Variants in PTPRD observed in about 807,000 individuals in gnomAD.
The protein encoded by PTPRD is receptor-type tyrosine-protein phosphatase delta.
Under a neutral mutation model 214.5 loss-of-function variants are expected in PTPRD, and 34 were observed. The observed-to-expected ratio is 0.16, with a 90% confidence interval of 0.12 to 0.21. PTPRD has a LOEUF of 0.21. Among genes scored for constraint, PTPRD ranks in the 10% least tolerant of loss-of-function variants. The pLI, the probability that PTPRD is intolerant of heterozygous loss-of-function variation, is 1.00. For missense variants in PTPRD, 2,545 were observed against 2,398.7 expected, an observed-to-expected ratio of 1.06 and a Z score of -1.27; for synonymous variants, 1,128 against 845.7, an observed-to-expected ratio of 1.33 and a Z score of -5.79.
chr9:9,949,876 T>C (rs967406616), intron 4 of PTPRD, among the ~76,000 whole-genome samples: 7 of 152,104 alleles, frequency 4.6e-5, no homozygotes, highest in African/African-American at 1.7e-4. Context: ...CCGCATTGAG[T>C]TATTGAATCA....
chr9:9,394,372 T>C (rs1264495140), intron 9 of PTPRD, among the ~76,000 whole-genome samples: 1 of 152,146 alleles, frequency 6.6e-6, no homozygotes, highest in East Asian at 1.9e-4. Flanking sequence ...GCCTTAAAAA[T>C]TGCCTAGTAT....
intron 7 of PTPRD, among the ~76,000 whole-genome samples, chr9:9,656,793 T>A (rs1446054490): frequency 6.6e-6 from 1 of 152,058 alleles, no homozygotes; most frequent in East Asian, 1.9e-4. Flanking sequence ...TTGACATAGG[T>A]TCATCAATTG....
rs80292110 is a variant in PTPRD at position 9,593,596 on chromosome 9, A to G, written c.-286-18815T>C. Among the ~76,000 whole-genome samples, 1,339 of 152,084 alleles carry G rather than the reference A, an allele frequency of 8.8e-3. 7 individuals are homozygous for G. Among genetic ancestry groups the G allele is most frequent in the Non-Finnish European group, 0.014 (972 of 67,962 alleles). On this transcript the variant is annotated intron_variant, in intron 7 of 45. Transcript: ENST00000381196. The stretch of plus-strand genomic sequence containing the variant: ...AAAGTTGGAGAACAAATGTCAAGTG[A>G]AGGAATGTGGAGGCAGCCCCACAGA...
intron 7 of PTPRD, among the ~76,000 whole-genome samples, chr9:9,598,083 G>T (rs1239885709): frequency 2.0e-5 from 3 of 151,952 alleles, no homozygotes; most frequent in South Asian, 2.1e-4. Context: ...ACTGCACACA[G>T]TTAGTACATT....
At chr9:8,655,904 C>A (rs1280402990) in intron 12 of PTPRD, among the ~76,000 whole-genome samples, 2 of 152,090 alleles carry the variant, frequency 1.3e-5, no homozygotes, top group African/African-American at 4.8e-5. Context: ...AGGCCATGAC[C>A]TTGTTCGAGA....
chr9:8,936,688 G>A (rs1567116156), intron 11 of PTPRD, among the ~76,000 whole-genome samples: 2 of 152,162 alleles, frequency 1.3e-5, no homozygotes, highest in East Asian at 1.9e-4. Context: ...TAAAACATTC[G>A]TAATCATTTG....
intron 21 of PTPRD, among the ~76,000 whole-genome samples, chr9:8,510,101 T>C (rs2097647137): frequency 6.6e-6 from 1 of 152,012 alleles, no homozygotes; most frequent in South Asian, 2.1e-4. Flanking sequence ...CCAGGCAACA[T>C]AGCAAAACCC....
chr9:10,291,027 A>G (rs1383449082), intron 3 of PTPRD, among the ~76,000 whole-genome samples: 1 of 145,242 alleles, frequency 6.9e-6, no homozygotes, highest in Non-Finnish European at 1.5e-5. Context: ...GAGAATCTAC[A>G]CTTTTTTTTT....
At chr9:9,230,097 T>TC (rs1298068643) in intron 9 of PTPRD, among the ~76,000 whole-genome samples, 1 of 152,122 alleles carries the variant, frequency 6.6e-6, no homozygotes, top group African/African-American at 2.4e-5. Flanking sequence ...TGTCCTCTGT[T>TC]CCCGACTGAT....
chr9:10,582,547 T>C (rs2132464462), intron 2 of PTPRD, among the ~76,000 whole-genome samples: 1 of 152,284 alleles, frequency 6.6e-6, no homozygotes, highest in South Asian at 2.1e-4. Flanking sequence ...AGTCTCAGAG[T>C]TGACAACACC....
intron 9 of PTPRD, among the ~76,000 whole-genome samples, chr9:9,360,079 C>T (rs1326439159): frequency 6.6e-6 from 1 of 151,112 alleles, no homozygotes; most frequent in Non-Finnish European, 1.5e-5. Flanking sequence ...GATTTCATAA[C>T]AAAAATGATG....
At chr9:10,356,827 C>T (rs1317095456) in intron 2 of PTPRD, among the ~76,000 whole-genome samples, 1 of 151,844 alleles carries the variant, frequency 6.6e-6, no homozygotes, top group African/African-American at 2.4e-5. Flanking sequence ...TTACAGCTGC[C>T]TGCCACCATG....
chr9:10,511,998 A>G (rs2784597), intron 2 of PTPRD, among the ~76,000 whole-genome samples: 27,529 of 86,200 alleles, frequency 0.32, 4,391 homozygotes, highest in South Asian at 0.43. Context: ...ACGTGTGTGT[A>G]TATATATATA....
intron 5 of PTPRD, among the ~76,000 whole-genome samples, chr9:9,887,274 G>C (rs2071311354): frequency 1.3e-5 from 2 of 151,976 alleles, no homozygotes; most frequent in African/African-American, 4.8e-5. Flanking sequence ...AATTTTCCTT[G>C]ACATTGTTCA....
At chr9:9,066,963 C>T (rs1179755314) in intron 10 of PTPRD, among the ~76,000 whole-genome samples, 1 of 152,234 alleles carries the variant, frequency 6.6e-6, no homozygotes, top group South Asian at 2.1e-4. Context: ...CTTGTCCTGG[C>T]TGGGCGCCAT....
chr9:10,428,799 A>C (rs1483140183), intron 2 of PTPRD, among the ~76,000 whole-genome samples: 2 of 152,082 alleles, frequency 1.3e-5, no homozygotes, highest in Non-Finnish European at 2.9e-5. Flanking sequence ...TAGACAAAAC[A>C]CATGAGTGGA....
intron 39 of PTPRD, among the ~76,000 whole-genome samples, chr9:8,354,526 C>T (rs964947791): frequency 1.3e-5 from 2 of 152,076 alleles, no homozygotes; most frequent in Admixed American, 1.3e-4. Flanking sequence ...TTTTTCTTTC[C>T]TGTACTAATC....
At chr9:9,134,880 A>G (rs576261662) in intron 10 of PTPRD, among the ~76,000 whole-genome samples, 21 of 152,126 alleles carry the variant, frequency 1.4e-4, no homozygotes, top group African/African-American at 4.6e-4. Flanking sequence ...AAGGTGTTCA[A>G]TAATTTTAGA....
chr9:8,986,980 G>A (rs1423083779), intron 11 of PTPRD, among the ~76,000 whole-genome samples: 4 of 151,956 alleles, frequency 2.6e-5, no homozygotes, highest in African/African-American at 7.3e-5. Context: ...CTTTTCCTGT[G>A]AATTGCTTGC....
Sources: gnomAD v4.1 joint callset for allele counts (sites outside exome capture counted in the v4.1 genomes callset) on GRCh38, gnomAD v4.1.1 for gene constraint, MANE v1.5 for transcripts, NCBI Gene and HGNC (gene_info 2026-07-23, HGNC 2026-07-21) for gene names.